The following SH3BGRL2 variants were observed in gnomAD, a reference collection of about 807,000 sequenced individuals.
SH3BGRL2 encodes SH3 domain-binding glutamic acid-rich-like protein 2.
A neutral mutation model predicts 14.8 loss-of-function variants in SH3BGRL2; 21 were observed. That is an observed-to-expected ratio of 1.42 (90% CI 1.01 to 2.05). The LOEUF is 2.05. Ranked by LOEUF, SH3BGRL2 falls within the 30% of genes most tolerant of loss-of-function variation. The probability of loss-of-function intolerance (pLI) is 0.00; values close to 1 mark genes in which losing one functional copy is unlikely to be tolerated. For synonymous variants in SH3BGRL2, 50 were observed against 47.8 expected (o/e 1.05, Z -0.19); for missense variants, 147 against 130.8 (o/e 1.12, Z -0.61).
At chr6:79,549,704 G>A in the SH3BGRL2 span, among the ~76,000 whole-genome samples, 1 of 152,102 alleles carries the variant, frequency 6.6e-6, no homozygotes, top group Non-Finnish European at 1.5e-5. Context: ...GGAGGAAGCT[G>A]GGGAATACCT....
the SH3BGRL2 span, among the ~76,000 whole-genome samples, chr6:79,550,172 T>C: frequency 2.0e-5 from 3 of 152,118 alleles, no homozygotes; most frequent in African/African-American, 7.2e-5. Flanking sequence ...GGGTTTGCTG[T>C]TAAGTTTCAT....
intron 2 of SH3BGRL2, among the ~76,000 whole-genome samples, chr6:79,680,585 G>A (rs1011068790): frequency 1.3e-5 from 2 of 152,018 alleles, no homozygotes; most frequent in African/African-American, 4.8e-5. Context: ...TCAATTTTAG[G>A]ATGATTTTTT....
At chr6:79,580,815 C>A in the SH3BGRL2 span, among the ~76,000 whole-genome samples, 1 of 152,068 alleles carries the variant, frequency 6.6e-6, no homozygotes, top group East Asian at 1.9e-4. Flanking sequence ...GAGACAGAGA[C>A]ACAAAAAAAC....
chr6:79,624,305 A>G, the SH3BGRL2 span, among the ~76,000 whole-genome samples: 9 of 149,930 alleles, frequency 6.0e-5, no homozygotes, highest in African/African-American at 2.2e-4. Context: ...ATATTATCAT[A>G]ATACATATGT....
chr6:79,594,634 T>C, the SH3BGRL2 span, among the ~76,000 whole-genome samples: 1 of 152,062 alleles, frequency 6.6e-6, no homozygotes, highest in African/African-American at 2.4e-5. Flanking sequence ...TCAAGACAGC[T>C]GGCAGTGCTG....
the SH3BGRL2 span, among the ~76,000 whole-genome samples, chr6:79,554,963 A>G: frequency 3.9e-5 from 6 of 152,276 alleles, no homozygotes; most frequent in Admixed American, 2.0e-4. Context: ...ATCTGGCAAT[A>G]TCTAGCTAGA....
chr6:79,653,111 T>A (rs559122102), intron 1 of SH3BGRL2, among the ~76,000 whole-genome samples: 1 of 152,308 alleles, frequency 6.6e-6, no homozygotes, highest in African/African-American at 2.4e-5. Flanking sequence ...CCCCTTAACA[T>A]GAAGGTCATT....
the SH3BGRL2 span, among the ~76,000 whole-genome samples, chr6:79,625,601 A>G: frequency 6.6e-6 from 1 of 152,224 alleles, no homozygotes; most frequent in Non-Finnish European, 1.5e-5. Context: ...TTAGAAAGTT[A>G]AAATCACACA....
At chr6:79,610,349 GTC>G in the SH3BGRL2 span, among the ~76,000 whole-genome samples, 1 of 152,178 alleles carries the variant, frequency 6.6e-6, no homozygotes, top group Admixed American at 6.5e-5. Context: ...AGTCAAAAGA[GTC>G]TCATAAATAA....
chr6:79,679,083 G>A (rs1293424558), intron 2 of SH3BGRL2, among the ~76,000 whole-genome samples: 1 of 152,156 alleles, frequency 6.6e-6, no homozygotes, highest in Admixed American at 6.6e-5. Context: ...ATGAGCATAT[G>A]AGTGCATATA....
rs1770336661 is a variant in SH3BGRL2, at chr6:79,696,574, A to T, written c.312+9A>T. On this transcript the variant is annotated intron_variant, in intron 3 of 3. Coordinates refer to ENST00000369838, the MANE Select transcript of SH3BGRL2 (RefSeq NM_031469.4). The stretch of plus-strand genomic sequence containing the variant: ...CACGGTTGGCATCAAAGGTAGGTAA[A>T]TCTTTTCTTATTCTTGTTTTAGAAT... 6.5e-7 allele frequency: 1 copy of T among 1,536,020 alleles called. No individual in the cohort carries two copies. The highest frequency in any genetic ancestry group is 2.3e-5 in the Admixed American group (1 of 43,038).
At chr6:79,690,233 C>T (rs762517271) in intron 2 of SH3BGRL2, among the ~76,000 whole-genome samples, 1 of 152,134 alleles carries the variant, frequency 6.6e-6, no homozygotes, top group Admixed American at 6.6e-5. Flanking sequence ...CACAGACAGT[C>T]CTCACACCTC....
chr6:79,642,083 T>C (rs1329737957), intron 1 of SH3BGRL2, among the ~76,000 whole-genome samples: 1 of 152,180 alleles, frequency 6.6e-6, no homozygotes, highest in Non-Finnish European at 1.5e-5. Flanking sequence ...CACTATTCTT[T>C]GCTATACATA....
intron 1 of SH3BGRL2, among the ~76,000 whole-genome samples, chr6:79,665,136 T>A (rs1582727067): frequency 6.6e-6 from 1 of 151,682 alleles, no homozygotes; most frequent in South Asian, 2.1e-4. Flanking sequence ...GGAGGAGGAG[T>A]TTGCAGTGAG....
At chr6:79,572,442 T>TTTTTATTTTA in the SH3BGRL2 span, among the ~76,000 whole-genome samples, 15,070 of 150,962 alleles carry the variant, frequency 0.1, 873 homozygotes, top group Non-Finnish European at 0.12. Flanking sequence ...ATGGCATCTA[T>TTTTTATTTTA]TTTTATTTTA....
rs574385959 is a variant in SH3BGRL2, at chr6:79,656,584, T to C, written c.46-17030T>C. Among the ~76,000 whole-genome samples the C allele has an allele frequency of 7.9e-5, 12 of 152,160 alleles. No homozygotes were observed. The South Asian group carries it at 1.0e-3, about 13-fold the overall frequency. ...CCACATCCTTGGATTCAACCATCCATGGATGAAAAATATTCAGAAGAAAAG... is the reference window on the plus strand; with the variant it reads ...CCACATCCTTGGATTCAACCATCCACGGATGAAAAATATTCAGAAGAAAAG... On this transcript the variant is annotated intron_variant, in intron 1 of 3. Transcript: ENST00000369838.
the SH3BGRL2 span, among the ~76,000 whole-genome samples, chr6:79,564,188 G>GAAA: frequency 1.7e-4 from 24 of 144,510 alleles, no homozygotes; most frequent in African/African-American, 3.3e-4. Context: ...TTGTGTATCT[G>GAAA]AAAAAAAAAA....
chr6:79,653,444 T>C (rs1769344180), intron 1 of SH3BGRL2, among the ~76,000 whole-genome samples: 1 of 152,216 alleles, frequency 6.6e-6, no homozygotes, highest in Non-Finnish European at 1.5e-5. Context: ...ATTTATATAT[T>C]TTAGAACTTA....
chr6:79,683,845 T>C (rs1051766803), intron 2 of SH3BGRL2, among the ~76,000 whole-genome samples: 1 of 152,110 alleles, frequency 6.6e-6, no homozygotes, highest in Non-Finnish European at 1.5e-5. Flanking sequence ...CTTTAGTGGA[T>C]ATATTTGAGA....
Sources: allele counts gnomAD v4.1 joint callset (sites outside exome capture counted in the v4.1 genomes callset), GRCh38; gene constraint gnomAD v4.1.1; transcripts MANE v1.5; gene names NCBI Gene and HGNC (gene_info 2026-07-23, HGNC 2026-07-21).